CACNA2D1: variants seen among roughly 807,000 people sequenced by gnomAD.
CACNA2D1 encodes calcium voltage-gated channel auxiliary subunit alpha2delta 1.
Under a neutral mutation model 171.5 loss-of-function variants are expected in CACNA2D1, and 53 were observed. The ratio of observed to expected loss-of-function variants is 0.31; its 90% CI spans 0.25 to 0.39. The LOEUF is 0.39. Ranked by LOEUF, CACNA2D1 falls within the 10% of genes least tolerant of loss-of-function variation. The pLI is 1.00. For missense variants in CACNA2D1, 903 were observed against 1,299.8 expected, an observed-to-expected ratio of 0.69 and a Z score of 4.69; for synonymous variants, 442 against 443.1, an observed-to-expected ratio of 1.00 and a Z score of 0.03.
chr7:82,231,355 G>A (rs1471725414), intron 3 of CACNA2D1, among the ~76,000 whole-genome samples: 1 of 152,154 alleles, frequency 6.6e-6, no homozygotes, highest in Admixed American at 6.6e-5. Context: ...ATAAGAAGAA[G>A]CAATAGGAAA....
intron 3 of CACNA2D1, among the ~76,000 whole-genome samples, chr7:82,233,708 A>C (rs1585174228): frequency 6.6e-6 from 1 of 152,070 alleles, no homozygotes; most frequent in East Asian, 1.9e-4. Flanking sequence ...ACCACATCAA[A>C]ACTAAAAAGA....
At chr7:81,991,122 G>C in intron 21 of CACNA2D1, 63 bp downstream of exon 21, 1 of 836,890 alleles carries the variant, frequency 1.2e-6, no homozygotes, top group African/African-American at 1.7e-5. Context: ...ATTCACTTGT[G>C]AAAATGCAGA....
At chr7:82,264,650 G>T (rs1807581530) in intron 3 of CACNA2D1, among the ~76,000 whole-genome samples, 1 of 152,106 alleles carries the variant, frequency 6.6e-6, no homozygotes, top group Admixed American at 6.5e-5. Flanking sequence ...AAAAGGAAAA[G>T]AATGGGCCAG....
intron 1 of CACNA2D1, among the ~76,000 whole-genome samples, chr7:82,367,534 AC>A (rs907163448): frequency 6.6e-6 from 1 of 152,024 alleles, no homozygotes; most frequent in African/African-American, 2.4e-5. Flanking sequence ...GACACTCACA[AC>A]CATGCAATTA....
intron 12 of CACNA2D1, among the ~76,000 whole-genome samples, chr7:82,025,044 G>A (rs997889283): frequency 2.0e-5 from 3 of 151,624 alleles, no homozygotes; most frequent in Non-Finnish European, 4.4e-5. Flanking sequence ...ATTACCAGAA[G>A]CTTTGTAATA....
intron 6 of CACNA2D1, among the ~76,000 whole-genome samples, chr7:82,099,422 CTT>C (rs932080938): frequency 5.0e-5 from 2 of 40,292 alleles, no homozygotes; most frequent in Admixed American, 3.1e-4. Flanking sequence ...GCAATACCTT[CTT>C]TTTTTTTTTT....
chr7:82,374,758 A>G (rs1822815197), intron 1 of CACNA2D1, among the ~76,000 whole-genome samples: 2 of 150,896 alleles, frequency 1.3e-5, no homozygotes, highest in African/African-American at 4.9e-5. Flanking sequence ...AAATTTAAAA[A>G]AAGAACACAC....
In CACNA2D1 at chr7:82,109,633, G is replaced by A. The variant is rs1478351906; in HGVS notation, c.526+7411C>T. Among the ~76,000 whole-genome samples, 4 of 152,168 alleles carry A rather than the reference G, an allele frequency of 2.6e-5. No homozygotes were observed. In the East Asian group the frequency reaches 7.7e-4, roughly 29 times the overall value. ...AAATATTTTTTGGAATTATTTGACT[G>A]TTGTTCATGAAACAAGTTTGGTATG... On this transcript the variant is annotated intron_variant, in intron 6 of 38. Coordinates refer to ENST00000356860, the MANE Select transcript of CACNA2D1 (RefSeq NM_000722.4).
At chr7:82,358,825 G>A (rs1278498249) in intron 1 of CACNA2D1, among the ~76,000 whole-genome samples, 2 of 152,040 alleles carry the variant, frequency 1.3e-5, no homozygotes, top group Admixed American at 6.6e-5. Context: ...TTATTTTCAT[G>A]AGATCTTCTT....
chr7:82,174,042 CAAAAAAA>C (rs71093365), intron 3 of CACNA2D1, among the ~76,000 whole-genome samples: 1,238 of 45,672 alleles, frequency 0.027, 33 homozygotes, highest in African/African-American at 0.1. Context: ...GACCCTGTCT[CAAAAAAA>C]AAAAAAAAAA....
In CACNA2D1 at chr7:82,116,396, CA is replaced by C. The variant is rs969575873; in HGVS notation, c.526+647del. 3.3e-4 allele frequency among the ~76,000 whole-genome samples: 50 copies of C among 151,978 alleles called. 1 individual carries two copies. Among genetic ancestry groups the C allele is most frequent in the African/African-American group, 1.2e-3 (50 of 41,258 alleles). ...AAGCTTCCGCCACTATTTTCCTAAA[CA>C]CTTTTTTTACCCCATCCCTTTTTCA... On this transcript the variant is annotated intron_variant, in intron 6 of 38. Transcript: ENST00000356860.
chr7:82,377,287 AT>A (rs1823124863), intron 1 of CACNA2D1, among the ~76,000 whole-genome samples: 2 of 152,120 alleles, frequency 1.3e-5, no homozygotes, highest in East Asian at 3.9e-4. Context: ...AAGGTATTAG[AT>A]TTTCTTTTCT....
chr7:82,066,002 A>T (rs977072741), intron 8 of CACNA2D1, among the ~76,000 whole-genome samples: 2 of 152,286 alleles, frequency 1.3e-5, no homozygotes, highest in East Asian at 3.9e-4. Flanking sequence ...AGGAACAAAT[A>T]AGTCTTCATT....
intron 2 of CACNA2D1, among the ~76,000 whole-genome samples, chr7:82,345,998 C>CT (rs1244972964): frequency 1.3e-4 from 20 of 152,272 alleles, no homozygotes; most frequent in Non-Finnish European, 2.1e-4. Context: ...GGCTCCACTT[C>CT]TTTGACACTT....
intron 10 of CACNA2D1, among the ~76,000 whole-genome samples, chr7:82,041,230 TAAAG>T (rs1295745730): frequency 6.6e-6 from 1 of 151,706 alleles, no homozygotes; most frequent in East Asian, 1.9e-4. Context: ...AGACTGGTGT[TAAAG>T]AGAGAAGGAA....
intron 2 of CACNA2D1, among the ~76,000 whole-genome samples, chr7:82,338,315 A>G (rs1331929121): frequency 1.3e-5 from 2 of 151,984 alleles, no homozygotes; most frequent in Non-Finnish European, 2.9e-5. Context: ...GGACGTAAAA[A>G]TTTTTTAAAT....
In CACNA2D1 at chr7:81,949,798, T is replaced by C. The variant is rs2129920283; in HGVS notation, c.*594A>G. ...ATTGGTCATCAATTGTGTTTTATTTTTGGCAAAGAAGCCGTTCTTCATAAG... is the reference window on the plus strand; with the variant it reads ...ATTGGTCATCAATTGTGTTTTATTTCTGGCAAAGAAGCCGTTCTTCATAAG... On this transcript the variant is annotated 3_prime_UTR_variant, in exon 39 of 39. Transcript: ENST00000356860. The C allele has an allele frequency of 6.6e-6, 1 of 152,462 alleles. No individual in the cohort carries two copies. The highest frequency in any genetic ancestry group is 6.5e-5 in the Admixed American group (1 of 15,286). The allele number at this position is 152,462 out of a possible 1,614,324, so 9.4% of individuals were successfully genotyped here.
At chr7:82,259,615 A>G (rs917558173) in intron 3 of CACNA2D1, among the ~76,000 whole-genome samples, 1 of 152,216 alleles carries the variant, frequency 6.6e-6, no homozygotes, top group Non-Finnish European at 1.5e-5. Flanking sequence ...AGACATAATT[A>G]TAAACATCCA....
At chr7:82,099,587 C>T (rs1471323262) in intron 6 of CACNA2D1, among the ~76,000 whole-genome samples, 2 of 106,736 alleles carry the variant, frequency 1.9e-5, no homozygotes, top group Non-Finnish European at 4.1e-5. Context: ...GTAGCTGGGA[C>T]TACAGGCGCC....
Sources: gnomAD v4.1 joint callset for allele counts (sites outside exome capture counted in the v4.1 genomes callset) on GRCh38, gnomAD v4.1.1 for gene constraint, MANE v1.5 for transcripts, NCBI Gene and HGNC (gene_info 2026-07-23, HGNC 2026-07-21) for gene names.